Variants in SORCS2 observed in about 807,000 individuals in gnomAD.
The protein encoded by SORCS2 is VPS10 domain-containing receptor SorCS2.
In SORCS2, 100 loss-of-function variants were observed where a neutral mutation model predicts 141.6. The observed-to-expected ratio is 0.71, with a 90% CI of 0.60 to 0.83. The LOEUF (loss-of-function observed/expected upper bound fraction) is 0.83, where lower values mean the gene tolerates loss of function less well. Among genes scored for constraint, SORCS2 ranks in the 40% least tolerant of loss-of-function variants. The pLI, the probability that SORCS2 is intolerant of heterozygous loss-of-function variation, is 0.00. For synonymous variants in SORCS2, 789 were observed against 676.9 expected (o/e 1.17, Z -2.57); for missense variants, 1,646 against 1,560.2 (o/e 1.05, Z -0.93).
chr4:7,391,098 C>T (rs747439362), intron 1 of SORCS2, among the ~76,000 whole-genome samples: 16 of 152,148 alleles, frequency 1.1e-4, no homozygotes, highest in East Asian at 1.9e-4. Context: ...ATCAGGAAAC[C>T]GAGGCTCAGT....
intron 3 of SORCS2, among the ~76,000 whole-genome samples, chr4:7,634,241 G>A (rs1266177172): frequency 1.3e-5 from 2 of 152,264 alleles, no homozygotes; most frequent in African/African-American, 4.8e-5. Flanking sequence ...AGGCATGGTG[G>A]CGGGCACCTG....
chr4:7,404,301 A>G (rs532788464), intron 2 of SORCS2, among the ~76,000 whole-genome samples: 1 of 152,248 alleles, frequency 6.6e-6, no homozygotes, highest in African/African-American at 2.4e-5. Flanking sequence ...TGCTGCGATA[A>G]ACATATGAGT....
intron 1 of SORCS2, among the ~76,000 whole-genome samples, chr4:7,284,719 C>G (rs577337732): frequency 6.0e-4 from 92 of 152,294 alleles, no homozygotes; most frequent in African/African-American, 2.2e-3. Flanking sequence ...GGTCAGCTGG[C>G]TCCTGCCCAC....
intron 23 of SORCS2, among the ~76,000 whole-genome samples, chr4:7,731,219 GGTGAAAAACTT>G (rs1417096610): frequency 6.6e-6 from 1 of 152,176 alleles, no homozygotes; most frequent in Admixed American, 6.5e-5. Flanking sequence ...GAACCAAGGA[GGTGAAAAACTT>G]GTGAAAAACT....
Position 7,349,347 on chromosome 4 carries a change from T to G in SORCS2, c.481-46941T>G, listed in dbSNP as rs574176875. ...TGTCTCAGCATTCTCATTGTAAATA[T>G]CTTGCTGAGTCAAGGTGTGGGGTCT... On this transcript the variant is annotated intron_variant, in intron 1 of 26. Transcript: ENST00000507866. Among the ~76,000 whole-genome samples the G allele has an allele frequency of 1.9e-4, 29 of 152,240 alleles. 1 individual carries two copies. Among genetic ancestry groups the G allele is most frequent in the Admixed American group, 1.6e-3 (25 of 15,294 alleles).
At chr4:7,325,285 A>G (rs966000483) in intron 1 of SORCS2, among the ~76,000 whole-genome samples, 1 of 152,174 alleles carries the variant, frequency 6.6e-6, no homozygotes, top group Non-Finnish European at 1.5e-5. Context: ...CTTCACCTCC[A>G]TGAGCCTCAG....
rs570998610 is a variant in SORCS2 at position 7,313,411 on chromosome 4, G to A, written c.481-82877G>A. Among the ~76,000 whole-genome samples the A allele has an allele frequency of 6.7e-4, 102 of 152,332 alleles. 2 individuals are homozygous for A. Among genetic ancestry groups the A allele is most frequent in the Admixed American group, 5.4e-3 (83 of 15,304 alleles). ...GAAGACAGGCCCAGAAGAGGGGAAT[G>A]CAAATGTCAGGCTGCTCTCTGGGTT... On this transcript the variant is annotated intron_variant, in intron 1 of 26. Coordinates refer to ENST00000507866, the MANE Select transcript of SORCS2 (RefSeq NM_020777.3).
chr4:7,657,557 A>G (rs13122697), intron 5 of SORCS2, among the ~76,000 whole-genome samples: 1 of 152,170 alleles, frequency 6.6e-6, no homozygotes. Flanking sequence ...GAGTGAATGA[A>G]TGAGTGAGCA....
At position 7,655,882 on chromosome 4, in the gene SORCS2, C is replaced by T. The variant is rs548044295; in HGVS notation, c.887+1675C>T. 1.3e-4 allele frequency among the ~76,000 whole-genome samples: 20 copies of T among 151,858 alleles called. No homozygotes were observed. The South Asian group carries it at 2.3e-3, about 17-fold the overall frequency. On this transcript the variant is annotated intron_variant, in intron 5 of 26. Coordinates refer to ENST00000507866, the MANE Select transcript of SORCS2 (RefSeq NM_020777.3). ...CAGCTCTCCAGCCAGAGAAAGAAAC[C>T]GACCCACAGCGCCCAGAGGGAAATT...
rs571645594 is a variant in SORCS2 at position 7,330,238 on chromosome 4, C to T, written c.481-66050C>T. Among the ~76,000 whole-genome samples the T allele has an allele frequency of 5.3e-5, 8 of 152,084 alleles. No individual in the cohort carries two copies. The South Asian group carries it at 1.0e-3, about 20-fold the overall frequency. On this transcript the variant is annotated intron_variant, in intron 1 of 26. Transcript: ENST00000507866. ...ATAATCCAGGATAATCTCCCCATCCCGAGAGCCTTCACCTAATCACATCTG... is the reference window on the plus strand; with the variant it reads ...ATAATCCAGGATAATCTCCCCATCCTGAGAGCCTTCACCTAATCACATCTG...
At chr4:7,625,583 G>C (rs1295779234) in intron 3 of SORCS2, among the ~76,000 whole-genome samples, 1 of 151,792 alleles carries the variant, frequency 6.6e-6, no homozygotes, top group Non-Finnish European at 1.5e-5. Context: ...TGCAGGAGCC[G>C]GGTTGCATGG....
At chr4:7,668,698 G>C (rs1470438292) in intron 8 of SORCS2, among the ~76,000 whole-genome samples, 3 of 152,200 alleles carry the variant, frequency 2.0e-5, no homozygotes, top group African/African-American at 7.2e-5. Flanking sequence ...GCTTGGCTGA[G>C]TATGTAAATT....
At chr4:7,325,065 T>C (rs1216241498) in intron 1 of SORCS2, among the ~76,000 whole-genome samples, 2 of 152,198 alleles carry the variant, frequency 1.3e-5, no homozygotes, top group Non-Finnish European at 2.9e-5. Flanking sequence ...GACGAGGCTG[T>C]CATCCTGCTG....
In SORCS2 at chr4:7,710,819, C is replaced by A. The variant is rs1177075787; in HGVS notation, c.1869-1914C>A. Among the ~76,000 whole-genome samples the A allele has an allele frequency of 2.0e-5, 3 of 152,256 alleles. No homozygotes were observed. The East Asian group carries it at 5.8e-4, about 29-fold the overall frequency. On this transcript the variant is annotated intron_variant, in intron 14 of 26. Coordinates refer to ENST00000507866, the MANE Select transcript of SORCS2 (RefSeq NM_020777.3). ...CCGTACCTGGGGGCCTTCCCCTGTCCTTGGTGGGTGTTGCCACTAGCAGCT... is the reference window on the plus strand; with the variant it reads ...CCGTACCTGGGGGCCTTCCCCTGTCATTGGTGGGTGTTGCCACTAGCAGCT...
chr4:7,711,286 T>G (rs1211423057), intron 14 of SORCS2, among the ~76,000 whole-genome samples: 2 of 152,182 alleles, frequency 1.3e-5, no homozygotes, highest in Non-Finnish European at 2.9e-5. Flanking sequence ...TCTTCAAATA[T>G]CAGCCTCAGA....
chr4:7,400,769 G>A (rs1456295346), intron 2 of SORCS2, among the ~76,000 whole-genome samples: 2 of 151,436 alleles, frequency 1.3e-5, no homozygotes, highest in Non-Finnish European at 2.9e-5. Flanking sequence ...ATGGATGGAT[G>A]TATGGATGGA....
chr4:7,268,102 C>T (rs1455649440), intron 1 of SORCS2, among the ~76,000 whole-genome samples: 1 of 152,208 alleles, frequency 6.6e-6, no homozygotes, highest in Non-Finnish European at 1.5e-5. Context: ...GCCCCGGGCC[C>T]CTGGAGCTCC....
chr4:7,491,197 T>C (rs1203814650), intron 2 of SORCS2, among the ~76,000 whole-genome samples: 1 of 152,192 alleles, frequency 6.6e-6, no homozygotes, highest in Non-Finnish European at 1.5e-5. Context: ...TGATTTTCCC[T>C]TCCAGGCCTT....
At chr4:7,601,842 A>G (rs1325944439) in intron 3 of SORCS2, among the ~76,000 whole-genome samples, 1 of 152,178 alleles carries the variant, frequency 6.6e-6, no homozygotes, top group African/African-American at 2.4e-5. Flanking sequence ...TGTGTCCCTG[A>G]GTATGTGAGA....
Sources: gnomAD v4.1 joint callset for allele counts (sites outside exome capture counted in the v4.1 genomes callset) on GRCh38, gnomAD v4.1.1 for gene constraint, MANE v1.5 for transcripts, NCBI Gene and HGNC (gene_info 2026-07-23, HGNC 2026-07-21) for gene names.